The following METTL17 variants were observed in gnomAD, a reference collection of about 807,000 sequenced individuals.
The protein encoded by METTL17 is methyltransferase like 17.
A neutral mutation model predicts 59.4 loss-of-function variants in METTL17; 49 were observed. That is an observed-to-expected ratio of 0.82 (90% confidence interval 0.66 to 1.05). The LOEUF is 1.05. METTL17 is among the 50% of genes least tolerant of loss of function. METTL17 has a pLI of 0.00. For synonymous variants in METTL17, 208 were observed against 209.2 expected (o/e 0.99, Z 0.05); for missense variants, 555 against 578.4 (o/e 0.96, Z 0.41).
chr14:20,992,574 A>C lies in METTL17; in HGVS notation c.480A>C (p.Ala160=). The C allele has an allele frequency of 6.2e-7, 1 of 1,614,178 alleles. No homozygotes were observed. Among genetic ancestry groups the C allele is most frequent in the South Asian group, 1.1e-5 (1 of 91,082 alleles). Residue 160 remains alanine (A), a synonymous_variant, in exon 5 of 14, where the codon GCA becomes GCC. Coordinates refer to ENST00000339374, the MANE Select transcript of METTL17 (RefSeq NM_022734.3). The part of the protein sequence containing the change: ...YTEGLSLVYM[A]ARLDGGFAAV... ...AGGGACTGAGCCTGGTGTATATGGC[A>C]GCAAGACTGGATGGTGGCTTTGCAG...
chr14:20,992,611 G>T lies in METTL17; in HGVS notation c.517G>T (p.Ala173Ser), dbSNP rs72661115. The T allele has an allele frequency of 8.4e-3, 13,579 of 1,613,642 alleles. 87 individuals carry two copies. Among genetic ancestry groups the T allele is most frequent in the Non-Finnish European group, 9.4e-3 (11,100 of 1,179,530 alleles). ...LDGGFAAVSR[A>S]FHEIRARNPA... ...TGGTGGCTTTGCAGCAGTCTCCAGAGCATTCCATGAGGTGAAAGTCCCTTA... is the reference window on the plus strand; with the variant it reads ...TGGTGGCTTTGCAGCAGTCTCCAGATCATTCCATGAGGTGAAAGTCCCTTA... Residue 173 changes from alanine to serine, a missense_variant, in exon 5 of 14, where the codon GCA (alanine) becomes TCA (serine). Transcript: ENST00000339374.
intron 11 of METTL17, 126 bp downstream of exon 11, chr14:20,996,077 T>TC (rs1880352923): frequency 5.5e-6 from 7 of 1,277,066 alleles, no homozygotes; most frequent in Non-Finnish European, 8.0e-6. Flanking sequence ...ACCTAATGAT[T>TC]CCCCTGGCTC....
Position 20,996,838 on chromosome 14 carries a change from T to G in METTL17, c.1319T>G (p.Leu440Arg). 6.2e-7 allele frequency: 1 copy of G among 1,613,918 alleles called. No individual in the cohort carries two copies. The highest frequency in any genetic ancestry group is 8.5e-7 in the Non-Finnish European group (1 of 1,179,980). Residue 440 changes from leucine (L) to arginine (R), a missense_variant, in exon 14 of 14, where the codon CTT becomes CGT. By Grantham distance (102) the Leu-to-Arg change is moderately radical (BLOSUM62 -2). Coordinates refer to ENST00000339374, the MANE Select transcript of METTL17 (RefSeq NM_022734.3). ...TCCTGGGGAGATCTTTTACCTGTGC[T>G]TACTCCGTCTGCGTTTCCTCCATCT... is the stretch of plus-strand genomic sequence containing the variant. The part of the protein sequence containing the change: ...VSSWGDLLPV[L>R]TPSAFPPSTA...
At chr14:20,993,567 T>G (rs1391023286) in intron 6 of METTL17, 10 of 233,700 alleles carry the variant, frequency 4.3e-5, no homozygotes, top group South Asian at 3.5e-4. Context: ...CCTCCACTCC[T>G]GGGTTCAAGT....
In METTL17 at chr14:20,996,982, T is replaced by C. The variant is rs1188904197; in HGVS notation, c.*92T>C. 5.5e-6 allele frequency: 7 copies of C among 1,262,240 alleles called. No individual in the cohort carries two copies. In the Admixed American group the frequency reaches 1.8e-4, roughly 33 times the overall value. The allele number at this position is 1,262,240 out of a possible 1,614,324, so 78.2% of individuals were successfully genotyped here. On this transcript the variant is annotated 3_prime_UTR_variant, in exon 14 of 14. Transcript: ENST00000339374. ...AGGGGAATGCTGGTATCCCCATATG[T>C]CTGTGTTTGTTTGAGATTTTTAATA... is the stretch of plus-strand genomic sequence containing the variant.
chr14:20,992,985 A>G, intron 5 of METTL17, 133 bp from the exon 6 acceptor site: 1 of 761,936 alleles, frequency 1.3e-6, no homozygotes, highest in East Asian at 2.5e-5. Flanking sequence ...TTCTTATCCC[A>G]TAAGGTATTT....
intron 5 of METTL17, chr14:20,992,897 A>G (rs1880115655): frequency 1.7e-6 from 1 of 603,062 alleles, no homozygotes; most frequent in African/African-American, 1.9e-5. Context: ...TAAAAAAAAC[A>G]CAAAATAAAG....
intron 10 of METTL17, 82 bp downstream of exon 10, chr14:20,995,315 G>A (rs2783801): frequency 1 from 1,274,155 of 1,280,096 alleles, 634,293 homozygotes; most frequent in East Asian, 1. Flanking sequence ...AGACTGTCAT[G>A]TATTGACAAG....
chr14:20,994,669 T>C, intron 8 of METTL17, 56 bp downstream of exon 8: 2 of 1,577,342 alleles, frequency 1.3e-6, no homozygotes, highest in Admixed American at 1.7e-5. Context: ...TGGAAAACTA[T>C]GGCTTGAGCT....
chr14:20,992,397 G>T, intron 4 of METTL17, 144 bp from the exon 5 acceptor site: 1 of 750,070 alleles, frequency 1.3e-6, no homozygotes, highest in Non-Finnish European at 2.2e-6. Flanking sequence ...GTGTTTGTAA[G>T]TCTCCCCAGG....
chr14:20,994,456 C>A, intron 7 of METTL17, 87 bp from the exon 8 acceptor site: 2 of 1,148,846 alleles, frequency 1.7e-6, no homozygotes, highest in Non-Finnish European at 2.6e-6. Flanking sequence ...TTTACCTATT[C>A]TTGGGGCCAT....
chr14:20,993,636 A>T (rs1431551038), intron 6 of METTL17: 1 of 216,180 alleles, frequency 4.6e-6, no homozygotes, highest in East Asian at 1.2e-4. Flanking sequence ...CACCACACCC[A>T]GCTAATTTTT....
intron 3 of METTL17, among the ~76,000 whole-genome samples, chr14:20,990,891 C>T (rs368622745): frequency 6.6e-6 from 1 of 152,026 alleles, no homozygotes; most frequent in East Asian, 1.9e-4. Context: ...AAGTGTAATG[C>T]TCGATCTCGG....
At chr14:20,992,967 T>G in intron 5 of METTL17, 151 bp from the exon 6 acceptor site, 1 of 684,420 alleles carries the variant, frequency 1.5e-6, no homozygotes. Flanking sequence ...AATCACTATT[T>G]TAGGAGATTC....
Position 20,994,020 on chromosome 14 carries a change from C to T in METTL17, c.654C>T (p.Asp218=). Residue 218 remains aspartate, a synonymous_variant, in exon 7 of 14, where the codon GAC becomes GAT. Transcript: ENST00000339374. ...GCCTACGTGAATATATGTGTGTGGA[C>T]AGATCAGCTGCCATGTTGGTTTTGG... ...GQSLREYMCV[D]RSAAMLVLAE... is the part of the protein sequence containing the mutation. 12 of 1,613,776 alleles carry T rather than the reference C, an allele frequency of 7.4e-6. No homozygotes were observed. Among genetic ancestry groups the T allele is most frequent in the Non-Finnish European group, 1.0e-5 (12 of 1,179,906 alleles).
At chr14:20,993,624 G>T in intron 6 of METTL17, 1 of 216,238 alleles carries the variant, frequency 4.6e-6, no homozygotes, top group South Asian at 7.9e-5. Context: ...ACAGGTGCAC[G>T]CCACCACACC....
At chr14:20,992,364 G>T (rs1182632686) in intron 4 of METTL17, 159 bp downstream of exon 4, 2 of 726,584 alleles carry the variant, frequency 2.8e-6, no homozygotes, top group Admixed American at 6.0e-5. Flanking sequence ...ACAAAGTTTT[G>T]AACACTGAAG....
chr14:20,992,271 T>G, intron 4 of METTL17, 66 bp downstream of exon 4: 1 of 973,744 alleles, frequency 1.0e-6, no homozygotes, highest in Non-Finnish European at 1.6e-6. Context: ...GTTGGGGGAG[T>G]ACAATTACAC....
chr14:20,990,185 C>A lies in METTL17; in HGVS notation c.76-45C>A, dbSNP rs1350364157. The stretch of plus-strand genomic sequence containing the variant: ...CCCCCGCCCTAGCGATTGCCAGCAA[C>A]TTTCCTTTCTGCCAGGAAATCAACC... On this transcript the variant is annotated intron_variant, in intron 1 of 13. Coordinates refer to ENST00000339374, the MANE Select transcript of METTL17 (RefSeq NM_022734.3). The A allele has an allele frequency of 5.6e-6, 9 of 1,613,156 alleles. No individual in the cohort carries two copies. In the Admixed American group the frequency reaches 1.5e-4, roughly 27 times the overall value.
Sources: allele counts gnomAD v4.1 joint callset (sites outside exome capture counted in the v4.1 genomes callset), GRCh38; gene constraint gnomAD v4.1.1; transcripts MANE v1.5; gene names NCBI Gene and HGNC (gene_info 2026-07-23, HGNC 2026-07-21).